The following EVI5 variants were observed in gnomAD, a reference collection of about 807,000 sequenced individuals.
EVI5 encodes the protein ecotropic viral integration site 5 protein homolog.
In EVI5, 73 loss-of-function variants were observed where a neutral mutation model predicts 112.0. The observed-to-expected ratio is 0.65, with a 90% CI of 0.54 to 0.79. The LOEUF (loss-of-function observed/expected upper bound fraction) is 0.79, where lower values mean the gene tolerates loss of function less well. EVI5 is among the 30% of genes least tolerant of loss of function. The pLI is 0.00. For synonymous variants in EVI5, 305 were observed against 319.9 expected, an observed-to-expected ratio of 0.95 and a Z score of 0.50; for missense variants, 900 against 968.8, an observed-to-expected ratio of 0.93 and a Z score of 0.94.
At chr1:92,745,367 T>C (rs560898822) in intron 1 of EVI5, among the ~76,000 whole-genome samples, 53 of 152,300 alleles carry the variant, frequency 3.5e-4, no homozygotes, top group Non-Finnish European at 6.3e-4. Context: ...CTTGTTTATA[T>C]TAAATATTGT....
chr1:92,563,791 G>T, intron 18 of EVI5, 54 bp from the exon 19 acceptor site: 1 of 1,041,618 alleles, frequency 9.6e-7, no homozygotes, highest in Non-Finnish European at 1.5e-6. Context: ...TTCACAGCAT[G>T]TACTCAAATA....
chr1:92,728,826 C>T (rs1421403938), intron 2 of EVI5, among the ~76,000 whole-genome samples: 1 of 152,174 alleles, frequency 6.6e-6, no homozygotes, highest in Admixed American at 6.5e-5. Flanking sequence ...GCTACTCCGT[C>T]CTGCCTGGGA....
In EVI5 at chr1:92,624,172, A is replaced by G. The variant is rs376271626; in HGVS notation, c.1827+4T>C. On this transcript the variant is annotated splice_donor_region_variant and intron_variant, in intron 16 of 19. Transcript: ENST00000684568. ...TTTAAAGATACTGGGCTTTCCCATC[A>G]TACCTGTGTTTCCATTTCCATCATC... The G allele has an allele frequency of 1.2e-5, 19 of 1,612,076 alleles. No individual in the cohort carries two copies. In the African/African-American group the frequency reaches 2.5e-4, roughly 22 times the overall value.
chr1:92,766,809 C>T (rs546392776), intron 1 of EVI5, among the ~76,000 whole-genome samples: 1 of 152,254 alleles, frequency 6.6e-6, no homozygotes, highest in East Asian at 1.9e-4. Context: ...CGGCCAGGCG[C>T]AGTGATTCAA....
intron 18 of EVI5, among the ~76,000 whole-genome samples, chr1:92,594,673 A>G (rs901741062): frequency 1.3e-5 from 2 of 151,996 alleles, no homozygotes; most frequent in Admixed American, 1.3e-4. Flanking sequence ...CTCATCTGAC[A>G]AAGGGCTAAT....
intron 19 of EVI5, among the ~76,000 whole-genome samples, chr1:92,545,953 C>A (rs948657763): frequency 1.3e-5 from 2 of 151,938 alleles, no homozygotes; most frequent in Non-Finnish European, 2.9e-5. Context: ...CTCTAATACA[C>A]GATTTAGGCA....
chr1:92,660,303 T>G (rs1663755474), intron 13 of EVI5, among the ~76,000 whole-genome samples: 1 of 152,046 alleles, frequency 6.6e-6, no homozygotes, highest in South Asian at 2.1e-4. Flanking sequence ...GACATTATGT[T>G]AAGTGAAATA....
intron 19 of EVI5, among the ~76,000 whole-genome samples, chr1:92,515,559 C>T (rs768632003): frequency 5.9e-5 from 9 of 152,162 alleles, no homozygotes; most frequent in Non-Finnish European, 1.3e-4. Context: ...AAACCAAAAA[C>T]AAGAATTAGC....
Position 92,631,895 on chromosome 1 carries a change from T to G in EVI5, c.1527+4307A>C, listed in dbSNP as rs938785776. On this transcript the variant is annotated intron_variant, in intron 14 of 19. Coordinates refer to ENST00000684568, the MANE Select transcript of EVI5 (RefSeq NM_001350197.2). ...ATTGAGAGTTTTTGGCATGAAGGGCTGCTGAATTTTGTCAAAGGCCTTTTC... is the reference window on the plus strand; with the variant it reads ...ATTGAGAGTTTTTGGCATGAAGGGCGGCTGAATTTTGTCAAAGGCCTTTTC... Among the ~76,000 whole-genome samples the G allele has an allele frequency of 2.0e-5, 3 of 152,346 alleles. No homozygotes were observed. The South Asian group carries it at 6.2e-4, about 32-fold the overall frequency.
At chr1:92,749,339 A>C (rs1679833439) in intron 1 of EVI5, 1 of 186,062 alleles carries the variant, frequency 5.4e-6, no homozygotes, top group African/African-American at 2.4e-5. Context: ...TGGAGCTCCT[A>C]ATTTTTAACT....
intron 1 of EVI5, among the ~76,000 whole-genome samples, chr1:92,749,555 A>T (rs1271730477): frequency 6.6e-6 from 1 of 152,052 alleles, no homozygotes; most frequent in Non-Finnish European, 1.5e-5. Context: ...ATGCTCAATA[A>T]ATGTCTCTGT....
chr1:92,611,726 C>G (rs1239924905), intron 16 of EVI5, among the ~76,000 whole-genome samples: 2 of 139,442 alleles, frequency 1.4e-5, no homozygotes, highest in Non-Finnish European at 3.1e-5. Context: ...AAAAGAGTGA[C>G]AGATTTAGAA....
At chr1:92,763,086 T>C (rs548599672) in intron 1 of EVI5, among the ~76,000 whole-genome samples, 11 of 151,676 alleles carry the variant, frequency 7.3e-5, no homozygotes, top group Admixed American at 5.9e-4. Flanking sequence ...CTGGGCAAAA[T>C]AGGAAGCCCT....
chr1:92,758,009 C>T (rs1179860844), intron 1 of EVI5, among the ~76,000 whole-genome samples: 8 of 150,646 alleles, frequency 5.3e-5, no homozygotes, highest in Admixed American at 5.3e-4. Flanking sequence ...TAAATTATGA[C>T]ACTACCATAC....
chr1:92,643,716 A>C (rs536413376), intron 13 of EVI5, among the ~76,000 whole-genome samples: 77 of 152,360 alleles, frequency 5.1e-4, no homozygotes, highest in Non-Finnish European at 7.8e-4. Context: ...ACTCAAAATT[A>C]GTTAAAAATA....
chr1:92,590,921 G>C (rs1673747583), intron 18 of EVI5, among the ~76,000 whole-genome samples: 5 of 152,226 alleles, frequency 3.3e-5, no homozygotes, highest in Admixed American at 3.3e-4. Flanking sequence ...TCTCTCAGCA[G>C]AAACTCTACA....
chr1:92,784,838 T>A lies in EVI5; in HGVS notation c.-84A>T. The stretch of plus-strand genomic sequence containing the variant: ...CGGCCTGGCGCAGCGCCCCTCACCT[T>A]GGAAACGTTGAGTAGACTTCGCCGT... On this transcript the variant is annotated splice_region_variant and 5_prime_UTR_variant, in exon 1 of 20. Coordinates refer to ENST00000684568, the MANE Select transcript of EVI5 (RefSeq NM_001350197.2). The A allele has an allele frequency of 2.0e-6, 2 of 985,578 alleles. No individual in the cohort carries two copies. The highest frequency in any genetic ancestry group is 2.4e-6 in the Non-Finnish European group (2 of 830,332). 61.1% of individuals were successfully genotyped at this position (985,578 alleles called of 1,614,324 possible).
At chr1:92,541,059 G>C (rs188443889) in intron 19 of EVI5, among the ~76,000 whole-genome samples, 1 of 152,246 alleles carries the variant, frequency 6.6e-6, no homozygotes, top group African/African-American at 2.4e-5. Flanking sequence ...GAGTGACAGA[G>C]AAAGACTCTG....
chr1:92,528,736 C>A (rs1490663339), intron 19 of EVI5, among the ~76,000 whole-genome samples: 1 of 152,018 alleles, frequency 6.6e-6, no homozygotes, highest in Non-Finnish European at 1.5e-5. Context: ...ATGTTAAAAA[C>A]CAGGGATCTC....
Sources: gnomAD v4.1 joint callset for allele counts (sites outside exome capture counted in the v4.1 genomes callset) on GRCh38, gnomAD v4.1.1 for gene constraint, MANE v1.5 for transcripts, NCBI Gene and HGNC (gene_info 2026-07-23, HGNC 2026-07-21) for gene names.